Variants in TENM3 observed in about 807,000 individuals in gnomAD.
TENM3 encodes the protein teneurin-3.
Under a neutral mutation model 255.1 loss-of-function variants are expected in TENM3, and 63 were observed. The ratio of observed to expected loss-of-function variants is 0.25; its 90% CI spans 0.20 to 0.30. The LOEUF (loss-of-function observed/expected upper bound fraction) is 0.30. Among genes scored for constraint, TENM3 ranks in the 10% least tolerant of loss-of-function variants. The pLI is 1.00. For synonymous variants in TENM3, 1,306 were observed against 1,322.3 expected (o/e 0.99, Z 0.27); for missense variants, 2,929 against 3,461.1 (o/e 0.85, Z 3.86).
the TENM3 span, among the ~76,000 whole-genome samples, chr4:181,755,832 A>C: frequency 6.6e-6 from 1 of 152,084 alleles, no homozygotes; most frequent in Non-Finnish European, 1.5e-5. Context: ...TGATGAATTC[A>C]ATACTAGTAG....
At chr4:182,152,229 G>A (rs896028929) in intron 1 of TENM3, among the ~76,000 whole-genome samples, 3 of 151,836 alleles carry the variant, frequency 2.0e-5, no homozygotes, top group African/African-American at 7.2e-5. Context: ...CTGCCAGGAT[G>A]TTATCCCTCA....
At chr4:182,038,801 T>G in the TENM3 span, among the ~76,000 whole-genome samples, 3 of 152,184 alleles carry the variant, frequency 2.0e-5, no homozygotes, top group Non-Finnish European at 4.4e-5. Context: ...TGGCGCAATC[T>G]TGACTCACTG....
the TENM3 span, among the ~76,000 whole-genome samples, chr4:181,654,869 T>C: frequency 1.3e-5 from 2 of 151,798 alleles, no homozygotes; most frequent in Non-Finnish European, 1.5e-5. Context: ...GCAGTCTCCA[T>C]TGTTAACAGG....
intron 3 of TENM3, among the ~76,000 whole-genome samples, chr4:182,406,076 T>C (rs913613340): frequency 1.3e-5 from 2 of 152,056 alleles, no homozygotes; most frequent in Admixed American, 6.6e-5. Context: ...GAGGCTGAGG[T>C]GGGTGGATCA....
At chr4:181,505,386 T>C in the TENM3 span, among the ~76,000 whole-genome samples, 86 of 152,324 alleles carry the variant, frequency 5.6e-4, 1 homozygote, top group Admixed American at 1.6e-3. Context: ...ACAAATGCAA[T>C]AATACCAGTT....
At chr4:181,658,800 G>T in the TENM3 span, among the ~76,000 whole-genome samples, 2 of 152,150 alleles carry the variant, frequency 1.3e-5, no homozygotes, top group African/African-American at 4.8e-5. Context: ...AAACAAAAAA[G>T]AAAACACTGA....
chr4:182,753,692 C>T, intron 21 of TENM3, 88 bp downstream of exon 21: 1 of 1,257,660 alleles, frequency 8.0e-7, no homozygotes, highest in Non-Finnish European at 1.1e-6. Context: ...CCATATTAAA[C>T]TGCATATATC....
chr4:182,347,230 C>T (rs1764886551), intron 3 of TENM3, among the ~76,000 whole-genome samples: 1 of 152,058 alleles, frequency 6.6e-6, no homozygotes, highest in Non-Finnish European at 1.5e-5. Context: ...AAAAAAATAG[C>T]TTTGACTTCT....
chr4:182,324,678 G>C lies in TENM3; in HGVS notation c.232+426G>C, dbSNP rs547510456. ...GAAGAAACCCATCTTTCCCTCACAA[G>C]AAAGTGTGGCTTATTACCCCAGATC... On this transcript the variant is annotated intron_variant, in intron 2 of 27. Coordinates refer to ENST00000511685, the MANE Select transcript of TENM3 (RefSeq NM_001080477.4). Among the ~76,000 whole-genome samples, 230 of 152,308 alleles carry C rather than the reference G, an allele frequency of 1.5e-3. 1 individual carries two copies. The highest frequency in any genetic ancestry group is 5.4e-3 in the African/African-American group (223 of 41,554).
At chr4:182,032,859 T>C in the TENM3 span, among the ~76,000 whole-genome samples, 1 of 152,190 alleles carries the variant, frequency 6.6e-6, no homozygotes, top group East Asian at 1.9e-4. Context: ...TAGTATTCTC[T>C]GATGGTTATA....
At chr4:181,603,271 C>T in the TENM3 span, among the ~76,000 whole-genome samples, 1 of 152,054 alleles carries the variant, frequency 6.6e-6, no homozygotes. Flanking sequence ...ATCTTGAGAG[C>T]AGAAAACTTC....
At chr4:182,022,225 C>G in the TENM3 span, among the ~76,000 whole-genome samples, 1 of 151,326 alleles carries the variant, frequency 6.6e-6, no homozygotes, top group African/African-American at 2.4e-5. Context: ...CAGCCACAAA[C>G]AGAATGAAAT....
At position 182,754,278 on chromosome 4, in the gene TENM3, T is replaced by G; in HGVS notation, c.4018-107T>G. On this transcript the variant is annotated intron_variant, in intron 21 of 27. Transcript: ENST00000511685. The surrounding 1 kb of genome is among the most constrained non-coding windows in gnomAD (Gnocchi z 5.1). ...TATTGAAAAAACTATTATCAGACAG[T>G]TTATCTCAGATTAATGCCAATTTCC... The G allele has an allele frequency of 1.7e-6, 2 of 1,199,322 alleles. No homozygotes were observed. The highest frequency in any genetic ancestry group is 2.3e-6 in the Non-Finnish European group (2 of 876,548). 74.3% of individuals were successfully genotyped at this position (1,199,322 alleles called of 1,614,324 possible).
the TENM3 span, among the ~76,000 whole-genome samples, chr4:181,823,240 G>C: frequency 6.6e-6 from 1 of 152,170 alleles, no homozygotes; most frequent in African/African-American, 2.4e-5. Context: ...GGATATGTGA[G>C]GAACCTCTGA....
chr4:181,826,785 G>A, the TENM3 span, among the ~76,000 whole-genome samples: 21 of 152,282 alleles, frequency 1.4e-4, no homozygotes, highest in Non-Finnish European at 3.1e-4. Context: ...GTGAGATCCC[G>A]GCAAAGGTAT....
At chr4:181,988,481 G>C in the TENM3 span, among the ~76,000 whole-genome samples, 1 of 152,000 alleles carries the variant, frequency 6.6e-6, no homozygotes, top group African/African-American at 2.4e-5. Context: ...CAAAAGCCAG[G>C]AACACAGCTG....
the TENM3 span, among the ~76,000 whole-genome samples, chr4:181,564,256 T>A: frequency 5.8e-4 from 88 of 152,194 alleles, no homozygotes; most frequent in African/African-American, 2.0e-3. Flanking sequence ...ATGTTTTCTA[T>A]ATTTTAGGAT....
At chr4:181,901,130 A>T in the TENM3 span, among the ~76,000 whole-genome samples, 1 of 152,162 alleles carries the variant, frequency 6.6e-6, no homozygotes, top group East Asian at 1.9e-4. Context: ...CCCTTCTATA[A>T]CTAAGAAACT....
the TENM3 span, among the ~76,000 whole-genome samples, chr4:181,550,640 C>G: frequency 6.6e-6 from 1 of 152,216 alleles, no homozygotes. Flanking sequence ...GGTATGACCA[C>G]AAGGTTGCAG....
Sources: allele counts gnomAD v4.1 joint callset (sites outside exome capture counted in the v4.1 genomes callset), GRCh38; gene constraint gnomAD v4.1.1; non-coding constraint Gnocchi (gnomAD v3.1); transcripts MANE v1.5; gene names NCBI Gene and HGNC (gene_info 2026-07-23, HGNC 2026-07-21).